Variants in LHFPL2 observed in about 807,000 individuals in gnomAD.
LHFPL2 encodes the protein LHFPL tetraspan subfamily member 2, also known as LHFPL tetraspan subfamily member 2 protein.
Under a neutral mutation model 17.5 loss-of-function variants are expected in LHFPL2, and 7 were observed. The observed-to-expected ratio is 0.40, with a 90% CI of 0.23 to 0.75. The LOEUF is 0.75. Ranked by LOEUF, LHFPL2 falls within the 30% of genes least tolerant of loss-of-function variation. LHFPL2 has a pLI of 0.37. For synonymous variants in LHFPL2, 134 were observed against 116.2 expected (o/e 1.15, Z -0.99); for missense variants, 241 against 294.8 (o/e 0.82, Z 1.34).
intron 2 of LHFPL2, among the ~76,000 whole-genome samples, chr5:78,577,720 G>T (rs1455569646): frequency 6.6e-6 from 1 of 151,894 alleles, no homozygotes; most frequent in Non-Finnish European, 1.5e-5. Flanking sequence ...ATATTTCCTA[G>T]TCACTGGAGA....
At chr5:78,559,999 T>C (rs1003413242) in intron 3 of LHFPL2, among the ~76,000 whole-genome samples, 3 of 152,240 alleles carry the variant, frequency 2.0e-5, no homozygotes, top group Admixed American at 6.5e-5. Context: ...GGCGATGTAT[T>C]TGCTGTGGTT....
intron 1 of LHFPL2, among the ~76,000 whole-genome samples, chr5:78,638,173 T>C (rs1745525322): frequency 6.6e-6 from 1 of 152,006 alleles, no homozygotes; most frequent in Non-Finnish European, 1.5e-5. Context: ...GCTAACATGG[T>C]GAAACCCCAC....
chr5:78,499,254 AG>A (rs1240079477), intron 4 of LHFPL2, among the ~76,000 whole-genome samples: 4 of 152,272 alleles, frequency 2.6e-5, no homozygotes, highest in Admixed American at 2.6e-4. Flanking sequence ...AAAGATGATT[AG>A]AACCCTTTAA....
intron 4 of LHFPL2, among the ~76,000 whole-genome samples, chr5:78,491,602 A>C (rs1232888352): frequency 6.6e-6 from 1 of 152,250 alleles, no homozygotes; most frequent in African/African-American, 2.4e-5. Flanking sequence ...TCACCAAATT[A>C]AGAGGTGATT....
chr5:78,517,731 C>A (rs1403096519), intron 3 of LHFPL2, among the ~76,000 whole-genome samples: 1 of 152,156 alleles, frequency 6.6e-6, no homozygotes, highest in East Asian at 1.9e-4. Context: ...TGGGTCCCTC[C>A]CATGACATGT....
At position 78,559,788 on chromosome 5, in the gene LHFPL2, ATACTC is replaced by A. The variant is rs1249504477; in HGVS notation, c.-186+5020_-186+5024del. ...CAAATCGATGGTATAAATGTATCCTATACTCTAATATTGGAATTTAAGAAGATCAG... is the reference window on the plus strand; with the variant it reads ...CAAATCGATGGTATAAATGTATCCTATAATATTGGAATTTAAGAAGATCAG... On this transcript the variant is annotated intron_variant, in intron 3 of 4. Coordinates refer to ENST00000380345, the MANE Select transcript of LHFPL2 (RefSeq NM_005779.3). Among the ~76,000 whole-genome samples, 62 of 152,216 alleles carry A rather than the reference ATACTC, an allele frequency of 4.1e-4. 1 individual carries two copies. Among genetic ancestry groups the A allele is most frequent in the Non-Finnish European group, 8.8e-5 (6 of 68,032 alleles).
rs1471524269 is a variant in LHFPL2 at position 78,486,987 on chromosome 5, C to T, written c.*1910G>A. 1 of 152,182 alleles carries T rather than the reference C, an allele frequency of 6.6e-6. No homozygotes were observed. The highest frequency in any genetic ancestry group is 1.9e-4 in the East Asian group (1 of 5,196). The allele number at this position is 152,182 out of a possible 1,614,324, so 9.4% of individuals were successfully genotyped here. ...ATAAATGTACACACAGAGACAGAAG[C>T]TTTGTCCAGTGGCTCCTCCAGCCTC... On this transcript the variant is annotated 3_prime_UTR_variant, in exon 5 of 5. Coordinates refer to ENST00000380345, the MANE Select transcript of LHFPL2 (RefSeq NM_005779.3).
In LHFPL2 at chr5:78,581,966, G is replaced by A. The variant is rs558989213; in HGVS notation, c.-244-17095C>T. On this transcript the variant is annotated intron_variant, in intron 2 of 4. Transcript: ENST00000380345. The stretch of plus-strand genomic sequence containing the variant: ...GCTATTGATTATTGCCACAATTTCA[G>A]ATCCTGTTATTGGTCTATTCAGAGA... Among the ~76,000 whole-genome samples, 22 of 152,308 alleles carry A rather than the reference G, an allele frequency of 1.4e-4. No individual in the cohort carries two copies. The East Asian group carries it at 4.2e-3, about 29-fold the overall frequency.
intron 3 of LHFPL2, chr5:78,549,070 G>A (rs2112389457): frequency 6.6e-6 from 1 of 152,280 alleles, no homozygotes; most frequent in African/African-American, 2.4e-5. Flanking sequence ...CTGTTCCTCT[G>A]CTGGTTTCTC....
At chr5:78,563,763 C>A (rs776625308) in intron 3 of LHFPL2, among the ~76,000 whole-genome samples, 8 of 151,806 alleles carry the variant, frequency 5.3e-5, no homozygotes, top group Non-Finnish European at 1.2e-4. Context: ...GCTCAGGACA[C>A]CATCTGTCTC....
chr5:78,580,211 G>C (rs2112441051), intron 2 of LHFPL2, among the ~76,000 whole-genome samples: 1 of 152,128 alleles, frequency 6.6e-6, no homozygotes, highest in East Asian at 1.9e-4. Context: ...TTTTTTTCTT[G>C]TAAATTTGAG....
intron 1 of LHFPL2, among the ~76,000 whole-genome samples, chr5:78,642,455 C>G (rs538043593): frequency 6.6e-6 from 1 of 152,174 alleles, no homozygotes; most frequent in African/African-American, 2.4e-5. Flanking sequence ...AACATCAGTA[C>G]AAGCCTGGTC....
chr5:78,497,648 A>G (rs1754648962), intron 4 of LHFPL2, among the ~76,000 whole-genome samples: 1 of 152,244 alleles, frequency 6.6e-6, no homozygotes, highest in African/African-American at 2.4e-5. Context: ...AAACAAAGCC[A>G]TTGTAGAAAG....
At chr5:78,635,177 G>A (rs1745390136) in intron 1 of LHFPL2, among the ~76,000 whole-genome samples, 1 of 152,220 alleles carries the variant, frequency 6.6e-6, no homozygotes, top group Non-Finnish European at 1.5e-5. Context: ...ACTTACACAA[G>A]CTTTGGCTTT....
intron 3 of LHFPL2, among the ~76,000 whole-genome samples, chr5:78,519,968 C>T (rs553663838): frequency 6.6e-6 from 1 of 151,798 alleles, no homozygotes; most frequent in South Asian, 2.1e-4. Flanking sequence ...ATAAACCACG[C>T]TCTAGCATTA....
chr5:78,632,883 TGAG>T (rs1226902433), intron 1 of LHFPL2, among the ~76,000 whole-genome samples: 3 of 151,850 alleles, frequency 2.0e-5, no homozygotes, highest in Admixed American at 6.6e-5. Flanking sequence ...AGGGCTAAAA[TGAG>T]GAGGTGGCCA....
intron 3 of LHFPL2, among the ~76,000 whole-genome samples, chr5:78,547,739 A>G (rs1433642780): frequency 6.6e-6 from 1 of 152,216 alleles, no homozygotes; most frequent in Non-Finnish European, 1.5e-5. Context: ...TTGCTTCAGA[A>G]AGCACCAGGA....
chr5:78,498,918 G>A (rs1451887266), intron 4 of LHFPL2, among the ~76,000 whole-genome samples: 1 of 152,198 alleles, frequency 6.6e-6, no homozygotes, highest in Non-Finnish European at 1.5e-5. Context: ...CAGACTGGAG[G>A]CCTGAACTAC....
intron 2 of LHFPL2, among the ~76,000 whole-genome samples, chr5:78,582,839 C>G (rs1213836626): frequency 6.6e-6 from 1 of 152,032 alleles, no homozygotes; most frequent in Admixed American, 6.6e-5. Flanking sequence ...CCTGGGTATC[C>G]TTGTTGACTT....
Sources: gnomAD v4.1 joint callset for allele counts (sites outside exome capture counted in the v4.1 genomes callset) on GRCh38, gnomAD v4.1.1 for gene constraint, MANE v1.5 for transcripts, NCBI Gene and HGNC (gene_info 2026-07-23, HGNC 2026-07-21) for gene names.